NEK6: variants seen among roughly 807,000 people sequenced by gnomAD.
NEK6 encodes the protein NIMA related kinase 6.
NEK6 carries 27 observed loss-of-function variants against 43.5 expected under a neutral mutation model. That is an observed-to-expected ratio of 0.62 (90% CI 0.46 to 0.86). The LOEUF (loss-of-function observed/expected upper bound fraction) is 0.86. NEK6 is among the 40% of genes least tolerant of loss of function. The probability of loss-of-function intolerance (pLI) is 0.00; values close to 1 mark genes in which losing one functional copy is unlikely to be tolerated. For synonymous variants in NEK6, 167 were observed against 164.1 expected (o/e 1.02, Z -0.14); for missense variants, 318 against 414.4 (o/e 0.77, Z 2.02).
At chr9:124,328,140 T>A (rs1170308017) in intron 7 of NEK6, among the ~76,000 whole-genome samples, 1 of 152,088 alleles carries the variant, frequency 6.6e-6, no homozygotes, top group Admixed American at 6.5e-5. Flanking sequence ...CAGATGTGTT[T>A]TGGGGACAGG....
chr9:124,289,196 CACACACACA>C, intron 1 of NEK6, among the ~76,000 whole-genome samples: 1 of 5,238 alleles, frequency 1.9e-4, no homozygotes, highest in East Asian at 8.2e-3. Flanking sequence ...GCCACACACA[CACACACACA>C]CACACACACA....
At chr9:124,316,892 C>G (rs1157543468) in intron 4 of NEK6, among the ~76,000 whole-genome samples, 2 of 152,222 alleles carry the variant, frequency 1.3e-5, no homozygotes, top group African/African-American at 4.8e-5. Context: ...CAACCCCTCT[C>G]ATTTCTCCCT....
chr9:124,342,551 C>T (rs1000520829), intron 8 of NEK6, among the ~76,000 whole-genome samples: 2 of 152,218 alleles, frequency 1.3e-5, no homozygotes, highest in Admixed American at 6.5e-5. Flanking sequence ...AGAAGGCCCT[C>T]GGGCCTGTCC....
At chr9:124,269,103 C>A (rs1483368608) in intron 1 of NEK6, among the ~76,000 whole-genome samples, 1 of 152,132 alleles carries the variant, frequency 6.6e-6, no homozygotes, top group Non-Finnish European at 1.5e-5. Context: ...AGTGCTGTAC[C>A]CTTCACTGAT....
intron 7 of NEK6, among the ~76,000 whole-genome samples, chr9:124,328,925 G>A (rs968005663): frequency 1.3e-5 from 2 of 152,212 alleles, no homozygotes; most frequent in South Asian, 2.1e-4. Context: ...AGTATGGGAC[G>A]TTCCACTCAT....
At chr9:124,292,419 G>T in intron 1 of NEK6, 3 of 1,535,060 alleles carry the variant, frequency 2.0e-6, no homozygotes, top group Non-Finnish European at 2.6e-6. Context: ...TCTAGGGTGG[G>T]TTTTGTCTGC....
chr9:124,264,185 C>G (rs1450767617), intron 1 of NEK6, among the ~76,000 whole-genome samples: 1 of 152,246 alleles, frequency 6.6e-6, no homozygotes, highest in Non-Finnish European at 1.5e-5. Context: ...GCTTGTTTTC[C>G]TGAGCCGGTG....
At chr9:124,288,621 G>A (rs1832263196) in intron 1 of NEK6, among the ~76,000 whole-genome samples, 1 of 152,026 alleles carries the variant, frequency 6.6e-6, no homozygotes, top group Non-Finnish European at 1.5e-5. Flanking sequence ...GCATACCCGG[G>A]CCCTGATAAT....
At chr9:124,281,334 A>T (rs1469322194) in intron 1 of NEK6, among the ~76,000 whole-genome samples, 1 of 152,116 alleles carries the variant, frequency 6.6e-6, no homozygotes, top group Non-Finnish European at 1.5e-5. Context: ...ACGATTGAAA[A>T]AGTCACCTAG....
chr9:124,320,860 G>A (rs531997527), intron 4 of NEK6, among the ~76,000 whole-genome samples: 1 of 152,310 alleles, frequency 6.6e-6, no homozygotes, highest in African/African-American at 2.4e-5. Context: ...AGGAGGGTGA[G>A]GTGGGAGGAT....
At chr9:124,304,994 A>C (rs1014354034) in intron 2 of NEK6, among the ~76,000 whole-genome samples, 3 of 152,312 alleles carry the variant, frequency 2.0e-5, no homozygotes, top group Admixed American at 2.0e-4. Context: ...CACACTAAGA[A>C]CCACGTGAAT....
chr9:124,298,198 C>G (rs1201325294), intron 1 of NEK6, among the ~76,000 whole-genome samples: 1 of 152,024 alleles, frequency 6.6e-6, no homozygotes, highest in Non-Finnish European at 1.5e-5. Context: ...CTCATCCCTT[C>G]CTTTCTCCCT....
intron 1 of NEK6, among the ~76,000 whole-genome samples, chr9:124,300,525 A>G (rs1050658490): frequency 2.6e-5 from 4 of 152,042 alleles, no homozygotes; most frequent in African/African-American, 7.2e-5. Flanking sequence ...CTGGAGAGAG[A>G]TGACGTCTTT....
At chr9:124,337,464 C>A (rs1342985311) in intron 7 of NEK6, among the ~76,000 whole-genome samples, 1 of 152,222 alleles carries the variant, frequency 6.6e-6, no homozygotes, top group African/African-American at 2.4e-5. Context: ...GTCACCACTC[C>A]TATAGAGTAG....
intron 1 of NEK6, among the ~76,000 whole-genome samples, chr9:124,296,954 C>A (rs1018820475): frequency 1.3e-5 from 2 of 152,248 alleles, no homozygotes; most frequent in Non-Finnish European, 2.9e-5. Context: ...GGATTAAAAC[C>A]AAGCGCTCAT....
chr9:124,339,476 C>A, intron 7 of NEK6, 95 bp from the exon 8 acceptor site: 1 of 835,954 alleles, frequency 1.2e-6, no homozygotes, highest in Non-Finnish European at 2.1e-6. Context: ...ACAATCTCTC[C>A]CCAGCTCCCG....
At chr9:124,312,745 T>A in intron 3 of NEK6, 96 bp downstream of exon 3, 2 of 1,261,218 alleles carry the variant, frequency 1.6e-6, no homozygotes, top group Non-Finnish European at 2.2e-6. Context: ...TCCCCTCTTC[T>A]GTGAACGAGG....
At chr9:124,327,092 C>T (rs1254154740) in intron 6 of NEK6, among the ~76,000 whole-genome samples, 2 of 152,148 alleles carry the variant, frequency 1.3e-5, no homozygotes, top group Non-Finnish European at 2.9e-5. Context: ...GCACAGAAAC[C>T]CCTGCTGTCT....
chr9:124,326,104 G>T lies in NEK6; in HGVS notation c.406-226G>T, dbSNP rs1834316568. 6.6e-6 allele frequency among the ~76,000 whole-genome samples: 1 copy of T among 152,226 alleles called. No individual in the cohort carries two copies. The highest frequency in any genetic ancestry group is 1.5e-5 in the Non-Finnish European group (1 of 68,032). Reference sequence around the variant, plus strand: ...TGCCTGGCCCTCACGGAGCTTGCTGGGTTGGGACAGGGTGGCTGCAGAGTG... The same window carrying T: ...TGCCTGGCCCTCACGGAGCTTGCTGTGTTGGGACAGGGTGGCTGCAGAGTG... On this transcript the variant is annotated intron_variant, in intron 5 of 9. Coordinates refer to ENST00000320246, the MANE Select transcript of NEK6 (RefSeq NM_014397.6). This position sits in a 1 kb window ranked among gnomAD's most constrained non-coding sequence, Gnocchi z 4.5.
Sources: allele counts gnomAD v4.1 joint callset (sites outside exome capture counted in the v4.1 genomes callset), GRCh38; gene constraint gnomAD v4.1.1; non-coding constraint Gnocchi (gnomAD v3.1); transcripts MANE v1.5; gene names NCBI Gene and HGNC (gene_info 2026-07-23, HGNC 2026-07-21).